Variants in DIAPH3 observed in about 807,000 individuals in gnomAD.
DIAPH3 encodes protein diaphanous homolog 3.
In DIAPH3, 117 loss-of-function variants were observed where a neutral mutation model predicts 144.3. The observed-to-expected ratio is 0.81, with a 90% CI of 0.70 to 0.95. The LOEUF is 0.95. Ranked by LOEUF, DIAPH3 falls within the 40% of genes least tolerant of loss-of-function variation. The probability of loss-of-function intolerance (pLI) is 0.00; values close to 1 mark genes in which losing one functional copy is unlikely to be tolerated. For synonymous variants in DIAPH3, 519 were observed against 488.9 expected, an observed-to-expected ratio of 1.06 and a Z score of -0.81; for missense variants, 1,421 against 1,412.7, an observed-to-expected ratio of 1.01 and a Z score of -0.09.
chr13:59,855,735 G>GA (rs1042826997), intron 22 of DIAPH3, among the ~76,000 whole-genome samples: 152 of 142,044 alleles, frequency 1.1e-3, no homozygotes, highest in Middle Eastern at 7.1e-3. Context: ...ACAGGAAAAT[G>GA]AAAAAAAAAA....
chr13:59,760,505 C>T (rs1346987710), intron 27 of DIAPH3, among the ~76,000 whole-genome samples: 3 of 152,166 alleles, frequency 2.0e-5, no homozygotes, highest in African/African-American at 7.2e-5. Flanking sequence ...TAAAATACAA[C>T]AAGATGTTTT....
chr13:60,134,805 A>C (rs2059228021), intron 1 of DIAPH3, among the ~76,000 whole-genome samples: 1 of 152,226 alleles, frequency 6.6e-6, no homozygotes, highest in Non-Finnish European at 1.5e-5. Flanking sequence ...TATAAAGCTG[A>C]AATCCTATTT....
chr13:60,059,304 T>C (rs1357673075), intron 4 of DIAPH3, among the ~76,000 whole-genome samples: 2 of 151,992 alleles, frequency 1.3e-5, no homozygotes, highest in African/African-American at 2.4e-5. Context: ...ACTGATTACA[T>C]GGGTGTGTCT....
At chr13:59,733,162 C>T (rs1335266114) in intron 27 of DIAPH3, among the ~76,000 whole-genome samples, 3 of 152,072 alleles carry the variant, frequency 2.0e-5, no homozygotes, top group African/African-American at 7.2e-5. Context: ...AACTTTTCTT[C>T]TTACATCATA....
chr13:59,683,653 C>T (rs1776375522), intron 27 of DIAPH3, among the ~76,000 whole-genome samples: 1 of 152,078 alleles, frequency 6.6e-6, no homozygotes, highest in Non-Finnish European at 1.5e-5. Flanking sequence ...TGAAGAGCAG[C>T]ATACGAAAAA....
In DIAPH3 at chr13:59,738,905, A is replaced by G. The variant is rs182445881; in HGVS notation, c.3319+35284T>C. ...TCCCTAACACATCATCTGTCCATAA[A>G]AACTTGACTATGTTTACAACCAATG... On this transcript the variant is annotated intron_variant, in intron 27 of 27. Coordinates refer to ENST00000400324, the MANE Select transcript of DIAPH3 (RefSeq NM_001042517.2). 1.1e-3 allele frequency among the ~76,000 whole-genome samples: 170 copies of G among 152,322 alleles called. 1 individual carries two copies. The highest frequency in any genetic ancestry group is 0.011 in the Admixed American group (163 of 15,306).
intron 27 of DIAPH3, among the ~76,000 whole-genome samples, chr13:59,698,139 G>T (rs1371502037): frequency 6.6e-6 from 1 of 152,154 alleles, no homozygotes; most frequent in Non-Finnish European, 1.5e-5. Flanking sequence ...AATATGGACA[G>T]CATCCTTTCA....
intron 25 of DIAPH3, among the ~76,000 whole-genome samples, chr13:59,805,338 T>C (rs1359508126): frequency 2.0e-5 from 3 of 151,994 alleles, no homozygotes; most frequent in African/African-American, 7.2e-5. Context: ...GTGTCCATGA[T>C]TAAGAAACAG....
chr13:59,687,276 C>G (rs1217475013), intron 27 of DIAPH3, among the ~76,000 whole-genome samples: 1 of 152,048 alleles, frequency 6.6e-6, no homozygotes, highest in Non-Finnish European at 1.5e-5. Flanking sequence ...CCTGGGTACT[C>G]CAGTCACATC....
At chr13:59,714,156 C>G (rs549917040) in intron 27 of DIAPH3, among the ~76,000 whole-genome samples, 11 of 151,784 alleles carry the variant, frequency 7.2e-5, no homozygotes, top group Non-Finnish European at 1.5e-4. Context: ...GTCAGGAGAT[C>G]GAGACCATCC....
At chr13:59,706,355 A>C (rs1355813815) in intron 27 of DIAPH3, among the ~76,000 whole-genome samples, 1 of 152,176 alleles carries the variant, frequency 6.6e-6, no homozygotes, top group African/African-American at 2.4e-5. Flanking sequence ...TCACCCTCTA[A>C]CATGAACTTG....
chr13:59,918,174 G>A (rs531214597), intron 18 of DIAPH3, among the ~76,000 whole-genome samples: 3 of 139,824 alleles, frequency 2.1e-5, no homozygotes, highest in East Asian at 2.1e-4. Flanking sequence ...TACATCACCC[G>A]TATCAATCCA....
chr13:59,870,762 C>T (rs983434994), intron 21 of DIAPH3, among the ~76,000 whole-genome samples: 1 of 151,780 alleles, frequency 6.6e-6, no homozygotes, highest in African/African-American at 2.4e-5. Context: ...CCTCCGCTTC[C>T]CAGGTTCAAG....
intron 4 of DIAPH3, among the ~76,000 whole-genome samples, chr13:60,049,801 C>T (rs1376169818): frequency 6.6e-6 from 1 of 152,162 alleles, no homozygotes; most frequent in African/African-American, 2.4e-5. Flanking sequence ...GTACCATCTA[C>T]TTAGATGGGG....
chr13:60,079,587 T>A (rs1383553104), intron 4 of DIAPH3, among the ~76,000 whole-genome samples: 1 of 151,844 alleles, frequency 6.6e-6, no homozygotes, highest in Non-Finnish European at 1.5e-5. Context: ...GCTTTACGAG[T>A]ATAAATTATT....
intron 3 of DIAPH3, among the ~76,000 whole-genome samples, chr13:60,096,887 C>T (rs1034144344): frequency 2.6e-5 from 4 of 152,150 alleles, no homozygotes; most frequent in East Asian, 1.9e-4. Context: ...AACTGAGCCA[C>T]GCTGCTGACT....
intron 12 of DIAPH3, among the ~76,000 whole-genome samples, chr13:59,987,420 A>G (rs1380194091): frequency 1.3e-5 from 2 of 150,044 alleles, no homozygotes; most frequent in South Asian, 2.1e-4. Context: ...GCACATGTAT[A>G]CATATGTAAC....
chr13:59,901,493 C>T (rs1262422437), intron 20 of DIAPH3, among the ~76,000 whole-genome samples: 1 of 152,210 alleles, frequency 6.6e-6, no homozygotes, highest in African/African-American at 2.4e-5. Context: ...ACAAATTGCA[C>T]ACACAAACAC....
At chr13:59,954,507 CAG>C in intron 17 of DIAPH3, among the ~76,000 whole-genome samples, 1 of 152,258 alleles carries the variant, frequency 6.6e-6, no homozygotes, top group South Asian at 2.1e-4. Flanking sequence ...ACGGATACCT[CAG>C]AGATACAAAA....
Sources: allele counts gnomAD v4.1 joint callset (sites outside exome capture counted in the v4.1 genomes callset), GRCh38; gene constraint gnomAD v4.1.1; transcripts MANE v1.5; gene names NCBI Gene and HGNC (gene_info 2026-07-23, HGNC 2026-07-21).